MKLN1: variants seen among roughly 807,000 people sequenced by gnomAD.
The protein encoded by MKLN1 is muskelin 1, also known as muskelin.
In MKLN1, 18 loss-of-function variants were observed where a neutral mutation model predicts 99.0. That is an observed-to-expected ratio of 0.18 (90% CI 0.13 to 0.27). The LOEUF (loss-of-function observed/expected upper bound fraction) is 0.27, where lower values mean the gene tolerates loss of function less well. Ranked by LOEUF, MKLN1 falls within the 10% of genes least tolerant of loss-of-function variation. The pLI is 1.00. For synonymous variants in MKLN1, 288 were observed against 293.2 expected (o/e 0.98, Z 0.18); for missense variants, 621 against 875.9 (o/e 0.71, Z 3.67).
intron 3 of MKLN1, among the ~76,000 whole-genome samples, chr7:131,307,284 G>A (rs1161201062): frequency 6.6e-6 from 1 of 152,166 alleles, no homozygotes; most frequent in East Asian, 1.9e-4. Flanking sequence ...TGCTGCAGGG[G>A]TAGTGCCCTC....
intron 2 of MKLN1, among the ~76,000 whole-genome samples, chr7:131,144,481 C>CA (rs34534901): frequency 0.01 from 1,363 of 134,884 alleles, 28 homozygotes; most frequent in African/African-American, 0.036. Flanking sequence ...GACTGTGTCT[C>CA]AAAAAAAAAA....
rs1307520307 is a variant in MKLN1, at chr7:131,300,700, AC to A, written c.-178-74723del. Among the ~76,000 whole-genome samples the A allele has an allele frequency of 1.2e-4, 14 of 121,104 alleles. 1 individual carries two copies. The highest frequency in any genetic ancestry group is 2.4e-4 in the African/African-American group (9 of 38,024). 79.4% of individuals were successfully genotyped at this position (121,104 alleles called of 152,430 possible). A position where few individuals can be genotyped will look rare whatever the true frequency, so the allele number is the denominator to read the frequency against. On this transcript the variant is annotated intron_variant, in intron 3 of 7. Transcript: ENST00000416992. ...GAGACCCTGTCTCAAAAAAAAAAAA[AC>A]AACCAAAAAGAAAAAAAAAGAATGT... is the stretch of plus-strand genomic sequence containing the variant.
chr7:131,271,973 C>G (rs912467851), intron 3 of MKLN1, among the ~76,000 whole-genome samples: 1 of 152,058 alleles, frequency 6.6e-6, no homozygotes, highest in African/African-American at 2.4e-5. Flanking sequence ...TGGAACTGGC[C>G]CAAACAACTT....
chr7:131,483,620 C>T (rs1269146827), intron 17 of MKLN1, among the ~76,000 whole-genome samples: 1 of 152,198 alleles, frequency 6.6e-6, no homozygotes, highest in African/African-American at 2.4e-5. Flanking sequence ...CCCCATAAGG[C>T]CTTTTTGCAC....
chr7:131,436,395 T>A (rs1487988947), intron 9 of MKLN1, among the ~76,000 whole-genome samples: 1 of 152,192 alleles, frequency 6.6e-6, no homozygotes, highest in Non-Finnish European at 1.5e-5. Flanking sequence ...ATACATCAAT[T>A]CTGTTATTTC....
chr7:131,479,945 C>G (rs761768138), intron 17 of MKLN1, among the ~76,000 whole-genome samples: 15 of 149,990 alleles, frequency 1.0e-4, no homozygotes, highest in Non-Finnish European at 1.8e-4. Flanking sequence ...TGCTTGAACC[C>G]AGGAGGGGGA....
chr7:131,194,921 A>G (rs1040929795), intron 2 of MKLN1, among the ~76,000 whole-genome samples: 1 of 152,192 alleles, frequency 6.6e-6, no homozygotes, highest in Non-Finnish European at 1.5e-5. Context: ...GGATAAAAGG[A>G]TTTTCAAAGC....
chr7:131,317,115 A>T (rs1798683144), intron 3 of MKLN1, among the ~76,000 whole-genome samples: 1 of 152,192 alleles, frequency 6.6e-6, no homozygotes. Context: ...CACCACTAAG[A>T]TATTCCTTGA....
intron 2 of MKLN1, among the ~76,000 whole-genome samples, chr7:131,199,003 A>G (rs1796687808): frequency 6.6e-6 from 1 of 152,114 alleles, no homozygotes; most frequent in Non-Finnish European, 1.5e-5. Context: ...TTTTATTTGA[A>G]AAGTTATGAG....
In MKLN1 at chr7:131,271,673, A is replaced by C. The variant is rs375201548; in HGVS notation, c.-179+68699A>C. ...CATGGTTGCTCACGCCTGTAATCCC[A>C]GCACTTTGGGAGGCTGACGCAGGTC... On this transcript the variant is annotated intron_variant, in intron 3 of 7. Transcript: ENST00000416992. Among the ~76,000 whole-genome samples the C allele has an allele frequency of 2.1e-4, 32 of 151,962 alleles. No individual in the cohort carries two copies. In the East Asian group the frequency reaches 5.8e-3, roughly 28 times the overall value.
At chr7:131,378,556 G>A (rs544515434) in intron 2 of MKLN1, among the ~76,000 whole-genome samples, 12 of 152,284 alleles carry the variant, frequency 7.9e-5, no homozygotes, top group African/African-American at 2.4e-4. Context: ...ACGGCCGGAC[G>A]TGGTGGCTCA....
At chr7:131,129,962 G>A (rs1157635614) in intron 1 of MKLN1, among the ~76,000 whole-genome samples, 1 of 152,068 alleles carries the variant, frequency 6.6e-6, no homozygotes, top group African/African-American at 2.4e-5. Context: ...TTGTGGTAGT[G>A]GATTTATAAT....
intron 6 of MKLN1, among the ~76,000 whole-genome samples, chr7:131,401,962 G>C (rs1794558343): frequency 6.6e-6 from 1 of 152,194 alleles, no homozygotes; most frequent in Admixed American, 6.5e-5. Flanking sequence ...TAAGGATGGT[G>C]ATTGCTGAAA....
At chr7:131,194,086 C>T (rs1442072340) in intron 2 of MKLN1, among the ~76,000 whole-genome samples, 1 of 150,942 alleles carries the variant, frequency 6.6e-6, no homozygotes, top group Non-Finnish European at 1.5e-5. Context: ...ACAATCCTCT[C>T]CCCGCCATCC....
Position 131,488,956 on chromosome 7 carries a change from A to G in MKLN1, c.*1228A>G, listed in dbSNP as rs1004260942. On this transcript the variant is annotated 3_prime_UTR_variant, in exon 18 of 18. Transcript: ENST00000352689. ...TTCTGATGATGTGCTGTGGAATGCA[A>G]TGTGGGAAACCTACATCTGGCTAGT... 4 of 152,168 alleles carry G rather than the reference A, an allele frequency of 2.6e-5. No individual in the cohort carries two copies. The highest frequency in any genetic ancestry group is 1.9e-4 in the East Asian group (1 of 5,202). 9.4% of individuals were successfully genotyped at this position (152,168 alleles called of 1,614,324 possible).
chr7:131,444,101 G>A (rs1275762130), intron 11 of MKLN1, among the ~76,000 whole-genome samples: 1 of 152,034 alleles, frequency 6.6e-6, no homozygotes, highest in Non-Finnish European at 1.5e-5. Flanking sequence ...GAATTTAAAT[G>A]TATCAGCAAT....
chr7:131,294,699 T>A (rs1330627276), intron 3 of MKLN1, among the ~76,000 whole-genome samples: 1 of 152,228 alleles, frequency 6.6e-6, no homozygotes, highest in Non-Finnish European at 1.5e-5. Context: ...GGGACCACTG[T>A]CTTCCTTTCC....
At chr7:131,148,903 T>C (rs959894386) in intron 2 of MKLN1, among the ~76,000 whole-genome samples, 3 of 152,262 alleles carry the variant, frequency 2.0e-5, no homozygotes, top group Non-Finnish European at 2.9e-5. Flanking sequence ...AGTTTCCTTC[T>C]TCTTTAATAA....
intron 4 of MKLN1, among the ~76,000 whole-genome samples, chr7:131,394,107 CAT>C (rs1794285189): frequency 6.6e-6 from 1 of 151,726 alleles, no homozygotes; most frequent in African/African-American, 2.4e-5. Context: ...GACACTGCTA[CAT>C]AAAGAAACAC....
Sources: gnomAD v4.1 joint callset for allele counts (sites outside exome capture counted in the v4.1 genomes callset) on GRCh38, gnomAD v4.1.1 for gene constraint, MANE v1.5 for transcripts, NCBI Gene and HGNC (gene_info 2026-07-23, HGNC 2026-07-21) for gene names.